Variants in BTRC observed in about 807,000 individuals in gnomAD.
BTRC encodes beta-transducin repeat containing E3 ubiquitin protein ligase.
A neutral mutation model predicts 85.5 loss-of-function variants in BTRC; 42 were observed. The observed-to-expected ratio is 0.49, with a 90% confidence interval of 0.38 to 0.64. The LOEUF is 0.64. BTRC is among the 30% of genes least tolerant of loss of function. The pLI is 0.00. For missense variants in BTRC, 594 were observed against 743.5 expected (o/e 0.80, Z 2.34); for synonymous variants, 255 against 263.3 (o/e 0.97, Z 0.30).
At chr10:101,500,034 G>C (rs1946363972) in intron 4 of BTRC, among the ~76,000 whole-genome samples, 1 of 151,248 alleles carries the variant, frequency 6.6e-6, no homozygotes, top group Admixed American at 6.6e-5. Context: ...ATAAAGTTTT[G>C]AGAGGATTCC....
intron 4 of BTRC, among the ~76,000 whole-genome samples, chr10:101,517,138 C>T (rs2062034625): frequency 6.6e-6 from 1 of 152,172 alleles, no homozygotes; most frequent in Non-Finnish European, 1.5e-5. Context: ...CAACAAGGTT[C>T]TTAGTAATCA....
chr10:101,537,863 A>G (rs2062410341), intron 12 of BTRC, among the ~76,000 whole-genome samples: 1 of 152,180 alleles, frequency 6.6e-6, no homozygotes, highest in African/African-American at 2.4e-5. Flanking sequence ...ATGTACCTTG[A>G]GGAAACATGG....
chr10:101,466,372 C>T (rs562185083), intron 3 of BTRC, among the ~76,000 whole-genome samples: 1 of 152,186 alleles, frequency 6.6e-6, no homozygotes, highest in East Asian at 1.9e-4. Context: ...TAGCTGGAAC[C>T]CTGGGGATGC....
chr10:101,476,919 C>T (rs890442492), intron 3 of BTRC, among the ~76,000 whole-genome samples: 2 of 152,138 alleles, frequency 1.3e-5, no homozygotes, highest in Non-Finnish European at 2.9e-5. Flanking sequence ...CTAACGTCAA[C>T]TGGGGCCTTG....
intron 9 of BTRC, among the ~76,000 whole-genome samples, chr10:101,534,280 G>A (rs1315610840): frequency 6.6e-6 from 1 of 152,168 alleles, no homozygotes; most frequent in Admixed American, 6.5e-5. Context: ...TGTGACAGAA[G>A]CATCTTGGCC....
At chr10:101,370,063 T>C (rs979077412) in intron 1 of BTRC, among the ~76,000 whole-genome samples, 3 of 152,188 alleles carry the variant, frequency 2.0e-5, no homozygotes, top group Non-Finnish European at 4.4e-5. Context: ...TTCAACACTC[T>C]GTGCAGGGCT....
At chr10:101,455,217 A>ATTT (rs34726129) in intron 2 of BTRC, among the ~76,000 whole-genome samples, 5 of 141,276 alleles carry the variant, frequency 3.5e-5, no homozygotes, top group East Asian at 2.0e-4. Flanking sequence ...TGCCCAGCTA[A>ATTT]TTTTTTTTTT....
intron 13 of BTRC, 120 bp downstream of exon 13, chr10:101,538,491 A>G (rs1233171368): frequency 3.5e-6 from 3 of 847,386 alleles, no homozygotes; most frequent in African/African-American, 1.7e-5. Context: ...CCTACAACTA[A>G]GTGGTAAGGC....
intron 10 of BTRC, 123 bp downstream of exon 10, chr10:101,535,033 T>A: frequency 8.6e-7 from 1 of 1,159,004 alleles, no homozygotes; most frequent in Non-Finnish European, 1.2e-6. Flanking sequence ...ATTCAGAGAC[T>A]AGTCTACAAG....
chr10:101,459,739 T>A (rs745403495), intron 2 of BTRC, among the ~76,000 whole-genome samples: 1 of 152,200 alleles, frequency 6.6e-6, no homozygotes, highest in Non-Finnish European at 1.5e-5. Context: ...GTGTTTTCAT[T>A]CTTTAGACAT....
chr10:101,398,270 ATCTAAAAAT>A (rs1943412019), intron 1 of BTRC, among the ~76,000 whole-genome samples: 1 of 152,188 alleles, frequency 6.6e-6, no homozygotes, highest in Non-Finnish European at 1.5e-5. Flanking sequence ...TAAGTATTTT[ATCTAAAAAT>A]GTGTGTTGAA....
At chr10:101,551,200 G>A (rs1194353321) in intron 14 of BTRC, 2 of 205,206 alleles carry the variant, frequency 9.7e-6, no homozygotes, top group Non-Finnish European at 9.8e-6. Context: ...TGAAAACTAA[G>A]TACTGTAATG....
At chr10:101,398,348 G>A (rs1235278069) in intron 1 of BTRC, among the ~76,000 whole-genome samples, 7 of 151,120 alleles carry the variant, frequency 4.6e-5, no homozygotes, top group Admixed American at 2.6e-4. Flanking sequence ...TTGCTCTGTC[G>A]CTGGAGTACA....
At chr10:101,399,033 A>C (rs551183551) in intron 1 of BTRC, among the ~76,000 whole-genome samples, 66 of 152,312 alleles carry the variant, frequency 4.3e-4, no homozygotes, top group African/African-American at 1.6e-3. Flanking sequence ...GCTCACTGCA[A>C]CGTCCGCCTC....
intron 4 of BTRC, among the ~76,000 whole-genome samples, chr10:101,493,978 G>T (rs1946199991): frequency 6.6e-6 from 1 of 152,186 alleles, no homozygotes. Flanking sequence ...AGCCCTGTCG[G>T]TCTTGTTCTA....
chr10:101,365,410 T>G (rs929364579), intron 1 of BTRC, among the ~76,000 whole-genome samples: 1 of 151,124 alleles, frequency 6.6e-6, no homozygotes, highest in Non-Finnish European at 1.5e-5. Context: ...TCTCACTCAC[T>G]CTGTCACCCA....
At chr10:101,354,251 G>A in intron 1 of BTRC, 23 bp downstream of exon 1, 1 of 1,548,428 alleles carries the variant, frequency 6.5e-7, no homozygotes, top group Non-Finnish European at 8.7e-7. Context: ...TGGAGGCCGG[G>A]GAACGGTGGA....
At chr10:101,357,106 G>A (rs908911971) in intron 1 of BTRC, among the ~76,000 whole-genome samples, 4 of 151,308 alleles carry the variant, frequency 2.6e-5, no homozygotes, top group African/African-American at 4.9e-5. Context: ...TCCAGCCTGG[G>A]CGACAGAGCA....
chr10:101,354,365 G>C, intron 1 of BTRC, 137 bp downstream of exon 1: 1 of 986,566 alleles, frequency 1.0e-6, no homozygotes, highest in Middle Eastern at 3.3e-4. Flanking sequence ...TGGAGGGATG[G>C]GATGGGAGCT....
Sources: allele counts gnomAD v4.1 joint callset (sites outside exome capture counted in the v4.1 genomes callset), GRCh38; gene constraint gnomAD v4.1.1; transcripts MANE v1.5; gene names NCBI Gene and HGNC (gene_info 2026-07-23, HGNC 2026-07-21).